Variants in C5orf58 observed in about 807,000 individuals in gnomAD.
The protein encoded by C5orf58 is chromosome 5 open reading frame 58.
A neutral mutation model predicts 2.9 loss-of-function variants in C5orf58; 2 were observed. That is an observed-to-expected ratio of 0.69 (90% CI 0.28 to 2.18). C5orf58 has a LOEUF of 2.18. C5orf58 is among the 30% of genes most tolerant of loss of function. The pLI is 0.13. For synonymous variants in C5orf58, 37 were observed against 33.4 expected (o/e 1.11, Z -0.37); for missense variants, 96 against 91.7 (o/e 1.05, Z -0.19).
downstream of C5orf58, among the ~76,000 whole-genome samples, chr5:170,249,097 G>A (rs895146216): frequency 2.6e-5 from 4 of 152,208 alleles, no homozygotes; most frequent in African/African-American, 7.2e-5. Context: ...TAAGGCCGGT[G>A]GATCACCTGA....
chr5:170,247,708 A>G (rs1224377626), downstream of C5orf58: 1 of 152,256 alleles, frequency 6.6e-6, no homozygotes, highest in Non-Finnish European at 1.5e-5. Flanking sequence ...AAGGGACTTT[A>G]TGGCAGAGCT....
chr5:170,246,226 C>A lies in C5orf58; in HGVS notation c.*113C>A. ...TAAAACAAAATAAAAATAATGTAAACAAGCAGTTCATGTTCTTGAAGGCTG... is the reference window on the plus strand; with the variant it reads ...TAAAACAAAATAAAAATAATGTAAAAAAGCAGTTCATGTTCTTGAAGGCTG... On this transcript the variant is annotated 3_prime_UTR_variant, in exon 4 of 4. Coordinates refer to ENST00000593851, the MANE Select transcript of C5orf58 (RefSeq NM_001102609.3). 1.1e-6 allele frequency: 1 copy of A among 878,058 alleles called. No individual in the cohort carries two copies. The highest frequency in any genetic ancestry group is 1.7e-6 in the Non-Finnish European group (1 of 605,958). The allele number at this position is 878,058 out of a possible 1,614,324, so 54.4% of individuals were successfully genotyped here.
chr5:170,241,986 A>T (rs1253939201), intron 3 of C5orf58, among the ~76,000 whole-genome samples: 5 of 148,840 alleles, frequency 3.4e-5, no homozygotes, highest in African/African-American at 5.0e-5. Context: ...TTTTAGCATG[A>T]AGGGTTGTTG....
chr5:170,248,833 G>A, downstream of C5orf58: 1 of 1,611,094 alleles, frequency 6.2e-7, no homozygotes, highest in Non-Finnish European at 8.5e-7. Context: ...AAAGAGTCAA[G>A]ATAGGGAGAT....
intron 3 of C5orf58, among the ~76,000 whole-genome samples, chr5:170,239,855 A>T (rs1186634341): frequency 6.6e-6 from 1 of 152,074 alleles, no homozygotes; most frequent in Admixed American, 6.5e-5. Flanking sequence ...TACATGTGCC[A>T]TGCTGGTGCG....
chr5:170,240,066 A>G (rs1401019584), intron 3 of C5orf58, among the ~76,000 whole-genome samples: 2 of 150,170 alleles, frequency 1.3e-5, no homozygotes, highest in Non-Finnish European at 3.0e-5. Flanking sequence ...GAGAATGATG[A>G]TTTCCAATTT....
chr5:170,242,161 G>A (rs1761040807), intron 3 of C5orf58, among the ~76,000 whole-genome samples: 1 of 150,948 alleles, frequency 6.6e-6, no homozygotes, highest in Non-Finnish European at 1.5e-5. Flanking sequence ...TTTTTGATAT[G>A]CTGCTGGATT....
chr5:170,250,916 G>A, downstream of C5orf58: 3 of 1,594,650 alleles, frequency 1.9e-6, no homozygotes, highest in Non-Finnish European at 2.6e-6. Flanking sequence ...TATTATGGGA[G>A]CAGTAAAAGT....
At chr5:170,251,160 A>G (rs901252008), downstream of C5orf58, 1 of 336,642 alleles carries the variant, frequency 3.0e-6, no homozygotes, top group African/African-American at 2.1e-5. Flanking sequence ...ATAAAAACGG[A>G]ATCTTTTGTT....
intron 1 of C5orf58, 86 bp from the exon 2 acceptor site, chr5:170,234,029 C>A: frequency 1.4e-6 from 1 of 709,926 alleles, no homozygotes; most frequent in Non-Finnish European, 2.2e-6. Flanking sequence ...TTGGCATGCC[C>A]AAGGAAGGCA....
In C5orf58 at chr5:170,246,128, T is replaced by A. The variant is rs369172790; in HGVS notation, c.*15T>A. 1.2e-4 allele frequency: 187 copies of A among 1,598,478 alleles called. No homozygotes were observed. The highest frequency in any genetic ancestry group is 1.1e-4 in the Non-Finnish European group (133 of 1,170,436). ...TTTCTATCTGATTTCTTATTTGTTA[T>A]GAGTTTCTGTTTTATTGTTGAACTA... On this transcript the variant is annotated 3_prime_UTR_variant, in exon 4 of 4. Transcript: ENST00000593851.
At chr5:170,239,019 T>C (rs1760863248) in intron 3 of C5orf58, among the ~76,000 whole-genome samples, 3 of 152,298 alleles carry the variant, frequency 2.0e-5, no homozygotes, top group African/African-American at 7.2e-5. Context: ...AGATACCAGC[T>C]GTACAGCAGT....
At chr5:170,235,475 C>T (rs181343676) in intron 3 of C5orf58, among the ~76,000 whole-genome samples, 30 of 152,270 alleles carry the variant, frequency 2.0e-4, no homozygotes, top group Middle Eastern at 3.4e-3. Context: ...TCATTTTAAA[C>T]AGATTCATAT....
intron 3 of C5orf58, among the ~76,000 whole-genome samples, chr5:170,245,546 C>T (rs1364263269): frequency 6.6e-6 from 1 of 152,214 alleles, no homozygotes; most frequent in Non-Finnish European, 1.5e-5. Flanking sequence ...CCAGGTGCGT[C>T]CGTCACCCCT....
In C5orf58 at chr5:170,234,116, T is replaced by C. The variant is rs1760640776; in HGVS notation, c.-83T>C. 2.9e-6 allele frequency: 4 copies of C among 1,366,900 alleles called. No individual in the cohort carries two copies. The highest frequency in any genetic ancestry group is 3.9e-6 in the Non-Finnish European group (4 of 1,021,188). The allele number at this position is 1,366,900 out of a possible 1,614,324, so 84.7% of individuals were successfully genotyped here. A position where few individuals can be genotyped will look rare whatever the true frequency, so the allele number is the denominator to read the frequency against. ...TTAATGTCTGGGAAACAAAATTAGT[T>C]TTTTTACAGTGGCTCTGAAATGAGA... On this transcript the variant is annotated splice_region_variant and 5_prime_UTR_variant, in exon 2 of 4. Coordinates refer to ENST00000593851, the MANE Select transcript of C5orf58 (RefSeq NM_001102609.3).
At chr5:170,242,414 C>A (rs1291482820) in intron 3 of C5orf58, among the ~76,000 whole-genome samples, 1 of 123,800 alleles carries the variant, frequency 8.1e-6, no homozygotes, top group Admixed American at 8.4e-5. Context: ...GTCCTGGACT[C>A]TTTTTGGTTG....
intron 3 of C5orf58, among the ~76,000 whole-genome samples, chr5:170,245,255 A>C (rs1761212519): frequency 6.6e-6 from 1 of 152,162 alleles, no homozygotes; most frequent in South Asian, 2.1e-4. Context: ...CCAGAGGTGG[A>C]GCCTACAGAG....
intron 3 of C5orf58, among the ~76,000 whole-genome samples, chr5:170,240,827 G>A (rs1304177526): frequency 6.6e-6 from 1 of 151,810 alleles, no homozygotes; most frequent in Non-Finnish European, 1.5e-5. Context: ...TGCTTTTGGT[G>A]TTTTGGACGT....
intron 3 of C5orf58, among the ~76,000 whole-genome samples, chr5:170,244,155 G>A (rs1230234874): frequency 6.6e-6 from 1 of 150,452 alleles, no homozygotes; most frequent in East Asian, 2.0e-4. Flanking sequence ...TCCGCTGTTA[G>A]TCTGATGGGC....
Sources: gnomAD v4.1 joint callset for allele counts (sites outside exome capture counted in the v4.1 genomes callset) on GRCh38, gnomAD v4.1.1 for gene constraint, MANE v1.5 for transcripts, NCBI Gene and HGNC (gene_info 2026-07-23, HGNC 2026-07-21) for gene names.